The following ENPP2 variants were observed in gnomAD, a reference collection of about 807,000 sequenced individuals.
ENPP2 encodes autotaxin.
A neutral mutation model predicts 120.2 loss-of-function variants in ENPP2; 51 were observed. The observed-to-expected ratio is 0.42, with a 90% CI of 0.34 to 0.54. ENPP2 has a LOEUF of 0.54. Ranked by LOEUF, ENPP2 falls within the 20% of genes least tolerant of loss-of-function variation. The probability of loss-of-function intolerance (pLI) is 0.04; values close to 1 mark genes in which losing one functional copy is unlikely to be tolerated. For synonymous variants in ENPP2, 365 were observed against 366.4 expected, an observed-to-expected ratio of 1.00 and a Z score of 0.04; for missense variants, 920 against 1,066.5, an observed-to-expected ratio of 0.86 and a Z score of 1.91.
At chr8:119,558,939 G>T (rs958612766) in intron 24 of ENPP2, among the ~76,000 whole-genome samples, 8 of 152,156 alleles carry the variant, frequency 5.3e-5, no homozygotes, top group Non-Finnish European at 1.0e-4. Context: ...ACACAAACCT[G>T]GACAGGGAAC....
intron 12 of ENPP2, chr8:119,592,907 C>A (rs1813639206): frequency 1.5e-6 from 1 of 686,638 alleles, no homozygotes; most frequent in Non-Finnish European, 1.8e-6. Context: ...AGGACCAGAG[C>A]TAGGGAGATT....
At chr8:119,585,381 C>T (rs1317939158) in intron 15 of ENPP2, among the ~76,000 whole-genome samples, 1 of 152,164 alleles carries the variant, frequency 6.6e-6, no homozygotes, top group East Asian at 1.9e-4. Context: ...ATACAAGTTT[C>T]TAGAGTTCTA....
At chr8:119,651,276 G>T in intron 1 of ENPP2, among the ~76,000 whole-genome samples, 1 of 152,198 alleles carries the variant, frequency 6.6e-6, no homozygotes, top group East Asian at 1.9e-4. Flanking sequence ...AAGCAAACAT[G>T]TATACATAGT....
At chr8:119,601,323 C>T (rs1307536551) in intron 10 of ENPP2, 74 bp downstream of exon 10, 8 of 1,014,472 alleles carry the variant, frequency 7.9e-6, no homozygotes, top group Non-Finnish European at 1.1e-5. Context: ...TTCTATTCCA[C>T]AGTCTAGTGT....
chr8:119,584,432 C>T (rs1812966358), intron 15 of ENPP2, among the ~76,000 whole-genome samples: 1 of 152,148 alleles, frequency 6.6e-6, no homozygotes, highest in South Asian at 2.1e-4. Context: ...TCCCTAGGGT[C>T]AGTGTCAAGA....
rs371795697 is a variant in ENPP2 at position 119,638,473 on chromosome 8, C to T, written c.88G>A (p.Ala30Thr). The T allele has an allele frequency of 1.8e-5, 29 of 1,610,694 alleles. No homozygotes were observed. Among genetic ancestry groups the T allele is most frequent in the Non-Finnish European group, 2.5e-5 (29 of 1,176,988 alleles). Residue 30 changes from alanine to threonine, a missense_variant, in exon 2 of 25, where the codon GCA becomes ACA. Transcript: ENST00000075322. ...CCTTCTGCTCTCTTAATTCGATGTG[C>T]AGTGAATCCTAAGCAGATATTGACT... ...VGVNICLGFT[A>T]HRIKRAEGWE...
At chr8:119,643,324 T>G (rs1362193542), upstream of ENPP2, among the ~76,000 whole-genome samples, 1 of 152,174 alleles carries the variant, frequency 6.6e-6, no homozygotes, top group Non-Finnish European at 1.5e-5. Flanking sequence ...AATCCAGGAC[T>G]GCAAACATGT....
At chr8:119,635,848 T>C (rs1448960218) in intron 2 of ENPP2, among the ~76,000 whole-genome samples, 1 of 152,228 alleles carries the variant, frequency 6.6e-6, no homozygotes, top group Middle Eastern at 3.2e-3. Context: ...GACAGTCTGT[T>C]TGCACTGCCA....
intron 11 of ENPP2, chr8:119,595,974 G>C: frequency 6.2e-7 from 1 of 1,613,908 alleles, no homozygotes; most frequent in East Asian, 2.2e-5. Context: ...TCTCTTAGCC[G>C]GAGTAAAAGG....
intron 8 of ENPP2, among the ~76,000 whole-genome samples, chr8:119,608,223 T>A (rs1043913512): frequency 7.9e-5 from 12 of 152,252 alleles, no homozygotes; most frequent in Non-Finnish European, 1.2e-4. Flanking sequence ...ACATATTTTT[T>A]AAAATCTTAT....
At position 119,557,588 on chromosome 8, in the gene ENPP2, G is replaced by C; in HGVS notation, c.2525C>G (p.Thr842Ser). 4 of 1,613,066 alleles carry C rather than the reference G, an allele frequency of 2.5e-6. No homozygotes were observed. Among genetic ancestry groups the C allele is most frequent in the Non-Finnish European group, 3.4e-6 (4 of 1,179,968 alleles). The change falls in exon 25 of 25, where the codon ACC (threonine) becomes AGC (serine). Residue 842 changes from threonine to serine, a missense_variant. Transcript: ENST00000075322. ...HLTSLDFFRKTSRSYPEILTL... is the reference protein window; with the variant it reads ...HLTSLDFFRKSSRSYPEILTL... ...CAGGATTTCTGGGTAGCTGCGGCTG[G>C]TCTTTCGGAAGAAGTCCAGGCTGGT... is the stretch of plus-strand genomic sequence containing the variant.
At position 119,586,268 on chromosome 8, in the gene ENPP2, G is replaced by T; in HGVS notation, c.1285C>A (p.Leu429Ile). The T allele has an allele frequency of 1.2e-6, 2 of 1,613,766 alleles. No individual in the cohort carries two copies. The highest frequency in any genetic ancestry group is 1.7e-6 in the Non-Finnish European group (2 of 1,179,712). ...TTGGCATAGTGCAAACGTTTGGGAA[G>T]GTGCTGTTTCAAGTAAGGCTTAAAG... Reference protein sequence around the residue: ...QHFKPYLKQHLPKRLHYANNR... With the variant: ...QHFKPYLKQHIPKRLHYANNR... Residue 429 changes from leucine to isoleucine, a missense_variant, in exon 15 of 25, where the codon CTT (leucine) becomes ATT (isoleucine). Coordinates refer to ENST00000075322, the MANE Select transcript of ENPP2 (RefSeq NM_001040092.3).
At chr8:119,618,351 C>A (rs561136130) in intron 5 of ENPP2, 38 of 473,660 alleles carry the variant, frequency 8.0e-5, no homozygotes, top group Non-Finnish European at 1.2e-4. Context: ...ATGGCCTGAT[C>A]TGTCTTCCCC....
chr8:119,617,675 G>C (rs561745320), intron 5 of ENPP2, 112 bp from the exon 6 acceptor site: 4 of 748,850 alleles, frequency 5.3e-6, no homozygotes, highest in Non-Finnish European at 9.0e-6. Flanking sequence ...TTCACCGGGC[G>C]TGATGGCTTA....
In ENPP2 at chr8:119,557,301, C is replaced by A; in HGVS notation, c.*220G>T. ...ACCATTTAGAAGCTTCCACTAAAAA[C>A]TCAAGCTGCAGTATTTATTACAAGC... On this transcript the variant is annotated 3_prime_UTR_variant, in exon 25 of 25. Coordinates refer to ENST00000075322, the MANE Select transcript of ENPP2 (RefSeq NM_001040092.3). The A allele has an allele frequency of 2.1e-6, 1 of 467,920 alleles. No individual in the cohort carries two copies. Among genetic ancestry groups the A allele is most frequent in the South Asian group, 3.2e-5 (1 of 31,514 alleles). The allele number at this position is 467,920 out of a possible 1,614,324, so 29.0% of individuals were successfully genotyped here.
chr8:119,582,051 C>A (rs1400693252), intron 18 of ENPP2, among the ~76,000 whole-genome samples: 1 of 152,128 alleles, frequency 6.6e-6, no homozygotes, highest in African/African-American at 2.4e-5. Context: ...CTTTCAAAAC[C>A]TCTTCTATAT....
intron 22 of ENPP2, among the ~76,000 whole-genome samples, chr8:119,565,870 G>A (rs2129998089): frequency 6.6e-6 from 1 of 151,194 alleles, no homozygotes; most frequent in East Asian, 2.0e-4. Flanking sequence ...TCTTTCTCTT[G>A]CACGCACATG....
In ENPP2 at chr8:119,619,240, T is replaced by G. The variant is rs1452211268; in HGVS notation, c.479+4A>C. On this transcript the variant is annotated splice_donor_region_variant and intron_variant, in intron 5 of 24. Transcript: ENST00000075322. ...ACTTCAAAATAGTCATAAAATACAC[T>G]TACCCTGCAGGGCATTCTGCGGCCT... 1 of 1,602,842 alleles carries G rather than the reference T, an allele frequency of 6.2e-7. No individual in the cohort carries two copies. Among genetic ancestry groups the G allele is most frequent in the Admixed American group, 1.7e-5 (1 of 59,886 alleles).
chr8:119,610,879 G>T (rs561075281), intron 8 of ENPP2, among the ~76,000 whole-genome samples: 3 of 149,076 alleles, frequency 2.0e-5, no homozygotes. Context: ...CTCCAGCCTG[G>T]ATGACAGAGT....
Sources: gnomAD v4.1 joint callset for allele counts (sites outside exome capture counted in the v4.1 genomes callset) on GRCh38, gnomAD v4.1.1 for gene constraint, MANE v1.5 for transcripts, NCBI Gene and HGNC (gene_info 2026-07-23, HGNC 2026-07-21) for gene names.